Variants in FOXP1 observed in about 807,000 individuals in gnomAD.
FOXP1 encodes forkhead box protein P1.
FOXP1 carries 15 observed loss-of-function variants against 98.2 expected under a neutral mutation model. The observed-to-expected ratio is 0.15, with a 90% CI of 0.10 to 0.24. The LOEUF is 0.24. Among genes scored for constraint, FOXP1 ranks in the 10% least tolerant of loss-of-function variants. The pLI, the probability that FOXP1 is intolerant of heterozygous loss-of-function variation, is 1.00. For synonymous variants in FOXP1, 371 were observed against 314.5 expected (o/e 1.18, Z -1.90); for missense variants, 633 against 848.5 (o/e 0.75, Z 3.15).
chr3:70,978,949 G>A (rs1238110172), intron 14 of FOXP1, among the ~76,000 whole-genome samples: 1 of 152,054 alleles, frequency 6.6e-6, no homozygotes, highest in Non-Finnish European at 1.5e-5. Flanking sequence ...GTTAGGAAAT[G>A]AATATTACTT....
chr3:71,357,910 C>T (rs111952457), intron 4 of FOXP1, among the ~76,000 whole-genome samples: 56 of 151,916 alleles, frequency 3.7e-4, no homozygotes, highest in African/African-American at 1.3e-3. Flanking sequence ...AATATAATGA[C>T]ATGAAAACAT....
intron 11 of FOXP1, among the ~76,000 whole-genome samples, chr3:71,039,818 C>T (rs1202533493): frequency 6.6e-6 from 1 of 151,746 alleles, no homozygotes; most frequent in African/African-American, 2.4e-5. Context: ...GATTGGCTTC[C>T]AGACATACAT....
chr3:71,012,936 A>T (rs896767586), intron 12 of FOXP1, among the ~76,000 whole-genome samples: 2 of 152,194 alleles, frequency 1.3e-5, no homozygotes, highest in African/African-American at 4.8e-5. Context: ...TTACATGTCT[A>T]TAATATCATG....
At chr3:71,071,587 T>G (rs1401809014) in intron 7 of FOXP1, among the ~76,000 whole-genome samples, 1 of 152,176 alleles carries the variant, frequency 6.6e-6, no homozygotes, top group Non-Finnish European at 1.5e-5. Context: ...CTTTTTTTCT[T>G]TTTTGAGATG....
intron 20 of FOXP1, among the ~76,000 whole-genome samples, chr3:70,964,112 C>T (rs775296774): frequency 2.6e-5 from 4 of 152,248 alleles, no homozygotes; most frequent in East Asian, 1.9e-4. Context: ...AGATAGCAGG[C>T]GCAGGGAATC....
intron 19 of FOXP1, among the ~76,000 whole-genome samples, chr3:70,966,886 T>C (rs1052613836): frequency 6.6e-6 from 1 of 152,216 alleles, no homozygotes; most frequent in Non-Finnish European, 1.5e-5. Context: ...TTATACTGCA[T>C]TTGAATAAAA....
intron 6 of FOXP1, among the ~76,000 whole-genome samples, chr3:71,176,557 G>A (rs895438393): frequency 1.3e-5 from 2 of 151,936 alleles, no homozygotes; most frequent in African/African-American, 4.8e-5. Flanking sequence ...AGGCACTGCC[G>A]AATTTCTGCT....
intron 2 of FOXP1, among the ~76,000 whole-genome samples, chr3:71,565,151 C>T (rs952692479): frequency 6.6e-6 from 1 of 151,998 alleles, no homozygotes; most frequent in East Asian, 1.9e-4. Flanking sequence ...GAGTTAGGGG[C>T]TATACAGATA....
chr3:71,497,574 C>G (rs1429513967), intron 2 of FOXP1, among the ~76,000 whole-genome samples: 1 of 152,140 alleles, frequency 6.6e-6, no homozygotes, highest in Non-Finnish European at 1.5e-5. Context: ...CAGCTTGAAG[C>G]CCAAGTTCCC....
At chr3:70,960,365 C>A (rs1234586332) in intron 20 of FOXP1, among the ~76,000 whole-genome samples, 2 of 152,094 alleles carry the variant, frequency 1.3e-5, no homozygotes, top group African/African-American at 4.8e-5. Flanking sequence ...CTGGGATGAG[C>A]GTGGTTGCGA....
intron 4 of FOXP1, among the ~76,000 whole-genome samples, chr3:71,313,232 G>A (rs1034223480): frequency 6.7e-6 from 1 of 149,640 alleles, no homozygotes; most frequent in African/African-American, 2.5e-5. Flanking sequence ...GCTAATTTTT[G>A]GTATTTTTAG....
At chr3:71,550,763 T>TG (rs554136511) in intron 2 of FOXP1, among the ~76,000 whole-genome samples, 27 of 152,248 alleles carry the variant, frequency 1.8e-4, no homozygotes, top group Admixed American at 2.0e-4. Flanking sequence ...TATATTCGGG[T>TG]AAAAAAAGAG....
intron 6 of FOXP1, among the ~76,000 whole-genome samples, chr3:71,170,405 G>A (rs2061594305): frequency 6.6e-6 from 1 of 152,146 alleles, no homozygotes; most frequent in Admixed American, 6.6e-5. Flanking sequence ...ACAACAGCTT[G>A]CAGAAACTTT....
intron 7 of FOXP1, among the ~76,000 whole-genome samples, chr3:71,089,591 C>G (rs1024582035): frequency 1.3e-5 from 2 of 152,294 alleles, no homozygotes; most frequent in East Asian, 1.9e-4. Flanking sequence ...GGCTTGCACA[C>G]ACTTTCTTCC....
At chr3:71,198,120 G>C in intron 6 of FOXP1, 82 bp downstream of exon 6, 2 of 1,612,718 alleles carry the variant, frequency 1.2e-6, no homozygotes, top group Non-Finnish European at 1.7e-6. Context: ...AACACTGATC[G>C]CGAGATCGCG....
intron 5 of FOXP1, among the ~76,000 whole-genome samples, chr3:71,259,933 G>A (rs1464982029): frequency 6.6e-6 from 1 of 152,162 alleles, no homozygotes; most frequent in Non-Finnish European, 1.5e-5. Flanking sequence ...GTTAGGCAGG[G>A]ACATGAAGGA....
At chr3:71,198,062 G>A (rs766397545) in intron 6 of FOXP1, 140 bp downstream of exon 6, 1 of 1,614,224 alleles carries the variant, frequency 6.2e-7, no homozygotes. Context: ...TGGTTTATGA[G>A]ATGCCACTGA....
At chr3:71,275,151 T>C in intron 5 of FOXP1, among the ~76,000 whole-genome samples, 1 of 152,210 alleles carries the variant, frequency 6.6e-6, no homozygotes, top group East Asian at 1.9e-4. Context: ...TTCATCCAAA[T>C]ACTATTCTAT....
At chr3:71,315,969 T>A (rs996929292) in intron 4 of FOXP1, among the ~76,000 whole-genome samples, 1 of 152,198 alleles carries the variant, frequency 6.6e-6, no homozygotes, top group African/African-American at 2.4e-5. Context: ...CCAACTCTGG[T>A]TTGAAGTAAG....
Sources: allele counts gnomAD v4.1 joint callset (sites outside exome capture counted in the v4.1 genomes callset), GRCh38; gene constraint gnomAD v4.1.1; transcripts MANE v1.5; gene names NCBI Gene and HGNC (gene_info 2026-07-23, HGNC 2026-07-21).